TLK2: variants seen among roughly 807,000 people sequenced by gnomAD.
TLK2 encodes tousled like kinase 2, also known as serine/threonine-protein kinase tousled-like 2.
Under a neutral mutation model 117.3 loss-of-function variants are expected in TLK2, and 6 were observed. The ratio of observed to expected loss-of-function variants is 0.05; its 90% CI spans 0.03 to 0.10. The LOEUF (loss-of-function observed/expected upper bound fraction) is 0.10. Among genes scored for constraint, TLK2 ranks in the 10% least tolerant of loss-of-function variants. The probability of loss-of-function intolerance (pLI) is 1.00; values close to 1 mark genes in which losing one functional copy is unlikely to be tolerated. For synonymous variants in TLK2, 257 were observed against 316.7 expected (o/e 0.81, Z 2.00); for missense variants, 299 against 901.2 (o/e 0.33, Z 8.56).
At chr17:62,612,204 A>G in intron 21 of TLK2, 188 bp from the exon 22 acceptor site, 2 of 534,396 alleles carry the variant, frequency 3.7e-6, no homozygotes, top group Non-Finnish European at 6.5e-6. Context: ...GCAGAGAGGT[A>G]CTTCTGTTGG....
At chr17:62,599,191 C>A (rs990419097) in intron 17 of TLK2, among the ~76,000 whole-genome samples, 2 of 152,244 alleles carry the variant, frequency 1.3e-5, no homozygotes, top group Non-Finnish European at 2.9e-5. Flanking sequence ...AAGTGATCCA[C>A]CCATCTCTGC....
Position 62,596,686 on chromosome 17 carries a change from G to T in TLK2, c.1550+12G>T, listed in dbSNP as rs1407078510. On this transcript the variant is annotated intron_variant, in intron 17 of 21. Transcript: ENST00000346027. ...CTGGATACTGACTCGTAAGTGCTGTGCTGTTTTACCTTAACAGTTATATTA... is the reference window on the plus strand; with the variant it reads ...CTGGATACTGACTCGTAAGTGCTGTTCTGTTTTACCTTAACAGTTATATTA... 6.2e-7 allele frequency: 1 copy of T among 1,607,712 alleles called. No individual in the cohort carries two copies. Among genetic ancestry groups the T allele is most frequent in the South Asian group, 1.1e-5 (1 of 90,910 alleles).
intron 9 of TLK2, among the ~76,000 whole-genome samples, chr17:62,555,775 C>T (rs1035317088): frequency 4.0e-5 from 6 of 150,666 alleles, no homozygotes; most frequent in Non-Finnish European, 7.4e-5. Flanking sequence ...CCGCGCCCGG[C>T]TATTATTATT....
chr17:62,564,175 G>C (rs1056881717), intron 10 of TLK2, among the ~76,000 whole-genome samples: 9 of 152,126 alleles, frequency 5.9e-5, no homozygotes, highest in Non-Finnish European at 1.0e-4. Context: ...GGTGGAGGTG[G>C]GCTGATCACT....
intron 16 of TLK2, among the ~76,000 whole-genome samples, chr17:62,589,854 T>C (rs2081940911): frequency 6.6e-6 from 1 of 151,830 alleles, no homozygotes; most frequent in Non-Finnish European, 1.5e-5. Flanking sequence ...TTGCCCAGAC[T>C]GGAGTGCAGT....
At chr17:62,486,226 G>A (rs1216068623) in intron 2 of TLK2, among the ~76,000 whole-genome samples, 9 of 149,876 alleles carry the variant, frequency 6.0e-5, no homozygotes, top group Non-Finnish European at 1.2e-4. Flanking sequence ...GCGCGATCTC[G>A]GCTCGCTGCA....
chr17:62,607,317 A>G (rs2083380803), intron 20 of TLK2, among the ~76,000 whole-genome samples: 1 of 151,410 alleles, frequency 6.6e-6, no homozygotes, highest in South Asian at 2.1e-4. Flanking sequence ...CAGGAGATCG[A>G]GACCATCCTG....
chr17:62,506,854 A>C (rs559218493), intron 2 of TLK2, among the ~76,000 whole-genome samples: 2 of 152,284 alleles, frequency 1.3e-5, no homozygotes, highest in East Asian at 3.9e-4. Context: ...GCATATGGCT[A>C]GTGCTTCTCT....
At chr17:62,592,000 G>C (rs985854297) in intron 16 of TLK2, among the ~76,000 whole-genome samples, 2 of 151,352 alleles carry the variant, frequency 1.3e-5, no homozygotes, top group Non-Finnish European at 2.9e-5. Flanking sequence ...TGTTGCCCAG[G>C]CTGGAGTGCA....
At chr17:62,607,923 T>C in intron 20 of TLK2, 118 bp from the exon 21 acceptor site, 1 of 786,244 alleles carries the variant, frequency 1.3e-6, no homozygotes, top group Non-Finnish European at 2.0e-6. Flanking sequence ...TCTCCAGAGT[T>C]CCTTGCAGCA....
chr17:62,569,758 C>T (rs1229627737), intron 11 of TLK2, among the ~76,000 whole-genome samples: 3 of 152,060 alleles, frequency 2.0e-5, no homozygotes, highest in African/African-American at 7.2e-5. Flanking sequence ...CTACTAGTTA[C>T]TTCTTGTATG....
chr17:62,470,914 T>C (rs1019787117), upstream of TLK2: 6 of 152,252 alleles, frequency 3.9e-5, no homozygotes, highest in Non-Finnish European at 5.9e-5. Flanking sequence ...ATGCCAGGAA[T>C]GGGGGAGGGG....
At chr17:62,555,062 C>G (rs2078752498) in intron 9 of TLK2, among the ~76,000 whole-genome samples, 1 of 151,148 alleles carries the variant, frequency 6.6e-6, no homozygotes, top group South Asian at 2.1e-4. Flanking sequence ...ATAAATGTTA[C>G]TGATTTATGA....
intron 7 of TLK2, chr17:62,550,068 C>T (rs2146152948): frequency 6.6e-6 from 1 of 152,582 alleles, no homozygotes; most frequent in Non-Finnish European, 1.5e-5. Context: ...CAAGCTCCGC[C>T]TCCCAGGTTC....
At chr17:62,495,854 G>A (rs2073622794) in intron 2 of TLK2, among the ~76,000 whole-genome samples, 1 of 151,398 alleles carries the variant, frequency 6.6e-6, no homozygotes, top group South Asian at 2.1e-4. Context: ...AGTAGAGACG[G>A]GGTTTCACCA....
intron 2 of TLK2, among the ~76,000 whole-genome samples, chr17:62,488,469 A>G (rs186812735): frequency 6.6e-6 from 1 of 152,214 alleles, no homozygotes; most frequent in East Asian, 1.9e-4. Context: ...ATGCCTGACA[A>G]TTCTCAACAA....
chr17:62,550,507 C>T (rs929354355), intron 7 of TLK2: 8 of 152,204 alleles, frequency 5.3e-5, no homozygotes, highest in African/African-American at 1.9e-4. Flanking sequence ...GTTTCTCTTA[C>T]CATGTGTACC....
At chr17:62,557,381 T>C (rs1405688337) in intron 9 of TLK2, among the ~76,000 whole-genome samples, 1 of 152,238 alleles carries the variant, frequency 6.6e-6, no homozygotes. Flanking sequence ...TAAAATGTTC[T>C]TTTGATTTCT....
At chr17:62,474,825 CTCT>C (rs898974736), upstream of TLK2, among the ~76,000 whole-genome samples, 3 of 151,418 alleles carry the variant, frequency 2.0e-5, no homozygotes, top group African/African-American at 2.4e-5. Context: ...TACACCTGGC[CTCT>C]TTTTTTTTTT....
Sources: allele counts gnomAD v4.1 joint callset (sites outside exome capture counted in the v4.1 genomes callset), GRCh38; gene constraint gnomAD v4.1.1; transcripts MANE v1.5; gene names NCBI Gene and HGNC (gene_info 2026-07-23, HGNC 2026-07-21).